PCDH15: variants seen among roughly 807,000 people sequenced by gnomAD.
PCDH15 encodes the protein protocadherin related 15.
PCDH15 carries 129 observed loss-of-function variants against 178.5 expected under a neutral mutation model. The ratio of observed to expected loss-of-function variants is 0.72; its 90% CI spans 0.63 to 0.84. The LOEUF is 0.84. Ranked by LOEUF, PCDH15 falls within the 40% of genes least tolerant of loss-of-function variation. The probability of loss-of-function intolerance (pLI) is 0.00; values close to 1 mark genes in which losing one functional copy is unlikely to be tolerated. For missense variants in PCDH15, 2,230 were observed against 2,099.9 expected, an observed-to-expected ratio of 1.06 and a Z score of -1.21; for synonymous variants, 800 against 732.0, an observed-to-expected ratio of 1.09 and a Z score of -1.50.
intron 2 of PCDH15, among the ~76,000 whole-genome samples, chr10:55,597,567 TTC>T (rs1253180748): frequency 6.6e-6 from 1 of 152,208 alleles, no homozygotes; most frequent in Admixed American, 6.5e-5. Context: ...TTAACTAAAT[TTC>T]TGTCTTAATA....
chr10:54,301,056 G>A (rs867011654), intron 8 of PCDH15, among the ~76,000 whole-genome samples: 5 of 152,092 alleles, frequency 3.3e-5, no homozygotes, highest in African/African-American at 7.2e-5. Context: ...GCGAGACCAC[G>A]AACCCACCGG....
At chr10:55,248,322 T>C (rs77665588) in intron 1 of PCDH15, among the ~76,000 whole-genome samples, 14,014 of 152,124 alleles carry the variant, frequency 0.092, 656 homozygotes, top group African/African-American at 0.1. Flanking sequence ...CTAATACATT[T>C]TGAGAGTTGT....
At chr10:54,942,104 G>A (rs150863569) in intron 2 of PCDH15, among the ~76,000 whole-genome samples, 2 of 152,176 alleles carry the variant, frequency 1.3e-5, no homozygotes, top group African/African-American at 2.4e-5. Flanking sequence ...AAAGGCCAAC[G>A]TTTATGGCTT....
intron 2 of PCDH15, among the ~76,000 whole-genome samples, chr10:54,970,258 T>G (rs1204184451): frequency 6.6e-6 from 1 of 152,210 alleles, no homozygotes; most frequent in African/African-American, 2.4e-5. Context: ...TACCCTGGAT[T>G]CTGATATTTT....
At chr10:54,047,763 T>C (rs755138682) in intron 18 of PCDH15, among the ~76,000 whole-genome samples, 10 of 152,214 alleles carry the variant, frequency 6.6e-5, no homozygotes, top group Non-Finnish European at 1.0e-4. Context: ...TTTTTATGAC[T>C]GTTTAGTACT....
intron 3 of PCDH15, among the ~76,000 whole-genome samples, chr10:54,437,440 G>T (rs942927422): frequency 6.6e-6 from 1 of 152,172 alleles, no homozygotes; most frequent in African/African-American, 2.4e-5. Context: ...GCAATGTACA[G>T]CCATATCCTA....
chr10:55,033,226 C>T (rs1840654407), intron 2 of PCDH15, among the ~76,000 whole-genome samples: 2 of 152,110 alleles, frequency 1.3e-5, no homozygotes, highest in African/African-American at 2.4e-5. Context: ...ACAGCTACAT[C>T]ACAGATAGCA....
intron 2 of PCDH15, among the ~76,000 whole-genome samples, chr10:55,364,472 T>C (rs1845305152): frequency 1.3e-5 from 2 of 152,178 alleles, no homozygotes; most frequent in African/African-American, 4.8e-5. Context: ...GTATATAATG[T>C]ATTTTTTTTC....
intron 3 of PCDH15, among the ~76,000 whole-genome samples, chr10:54,808,010 C>A (rs144233306): frequency 3.3e-5 from 5 of 151,540 alleles, no homozygotes; most frequent in Non-Finnish European, 7.4e-5. Context: ...AGTTCTTTGG[C>A]GTTCCCAGTT....
chr10:55,200,357 C>A (rs980002108), intron 1 of PCDH15, among the ~76,000 whole-genome samples: 5 of 152,028 alleles, frequency 3.3e-5, no homozygotes, highest in African/African-American at 4.8e-5. Context: ...GGGCCTGTAG[C>A]CTCTTTATTT....
chr10:55,283,959 A>C (rs1414998784), intron 1 of PCDH15, among the ~76,000 whole-genome samples: 2 of 149,688 alleles, frequency 1.3e-5, no homozygotes, highest in African/African-American at 5.1e-5. Flanking sequence ...AATCAAAATT[A>C]AGCTCTATAC....
chr10:54,267,457 C>G (rs1248845346), intron 8 of PCDH15, among the ~76,000 whole-genome samples: 1 of 151,768 alleles, frequency 6.6e-6, no homozygotes, highest in East Asian at 1.9e-4. Flanking sequence ...TAATAGACAT[C>G]CAAATAGGAA....
intron 2 of PCDH15, among the ~76,000 whole-genome samples, chr10:55,419,827 A>G (rs939092823): frequency 1.3e-5 from 2 of 151,684 alleles, no homozygotes; most frequent in African/African-American, 4.8e-5. Flanking sequence ...AATGTATACT[A>G]TAGTGCATTT....
At chr10:54,518,698 C>A (rs1454191944) in intron 3 of PCDH15, among the ~76,000 whole-genome samples, 1 of 152,168 alleles carries the variant, frequency 6.6e-6, no homozygotes, top group Non-Finnish European at 1.5e-5. Flanking sequence ...GGAATCCTCC[C>A]TAACTCATTT....
intron 2 of PCDH15, among the ~76,000 whole-genome samples, chr10:55,494,430 T>C (rs557961625): frequency 1.3e-5 from 2 of 151,800 alleles, no homozygotes; most frequent in African/African-American, 4.8e-5. Flanking sequence ...GTTTAATATA[T>C]TCATTTGTAA....
At chr10:53,867,384 C>T (rs1026153872) in intron 26 of PCDH15, among the ~76,000 whole-genome samples, 9 of 152,030 alleles carry the variant, frequency 5.9e-5, no homozygotes, top group African/African-American at 1.9e-4. Flanking sequence ...AGAAGGATAT[C>T]GAATTTTCCC....
intron 2 of PCDH15, among the ~76,000 whole-genome samples, chr10:55,390,575 G>C (rs573001262): frequency 6.6e-6 from 1 of 152,076 alleles, no homozygotes; most frequent in Non-Finnish European, 1.5e-5. Flanking sequence ...ATCTAGAGTG[G>C]CAAATAACGT....
intron 17 of PCDH15, among the ~76,000 whole-genome samples, chr10:54,077,963 T>A (rs1225546979): frequency 6.6e-6 from 1 of 152,136 alleles, no homozygotes; most frequent in Non-Finnish European, 1.5e-5. Flanking sequence ...CTTGGGAGGC[T>A]GAGGCAGGAG....
chr10:54,314,873 T>G (rs2061144682), intron 8 of PCDH15, among the ~76,000 whole-genome samples: 1 of 151,006 alleles, frequency 6.6e-6, no homozygotes, highest in Admixed American at 6.6e-5. Flanking sequence ...GACCTCATTA[T>G]TTTTTATAGC....
Sources: gnomAD v4.1 joint callset for allele counts (sites outside exome capture counted in the v4.1 genomes callset) on GRCh38, gnomAD v4.1.1 for gene constraint, MANE v1.5 for transcripts, NCBI Gene and HGNC (gene_info 2026-07-23, HGNC 2026-07-21) for gene names.